DMD: variants seen among roughly 807,000 people sequenced by gnomAD.
DMD encodes the protein dystrophin.
DMD carries 63 observed loss-of-function variants against 330.1 expected under a neutral mutation model. That is an observed-to-expected ratio of 0.19 (90% CI 0.16 to 0.24). DMD has a LOEUF of 0.24. DMD is among the 10% of genes least tolerant of loss of function. The pLI is 1.00. For missense variants in DMD, 3,344 were observed against 2,684.1 expected (o/e 1.25, Z -5.43); for synonymous variants, 1,223 against 959.8 (o/e 1.27, Z -5.07).
Position 32,905,245 on chromosome X carries a change from G to A in DMD, c.94-55425C>T, listed in dbSNP as rs766056053. The stretch of plus-strand genomic sequence containing the variant: ...ATAATTTCATAGTAATAAGTAGGAA[G>A]TACATAAGACATAGGATTCACTAAC... On this transcript the variant is annotated intron_variant, in intron 2 of 78. Transcript: ENST00000357033. Among the ~76,000 whole-genome samples the A allele has an allele frequency of 9.8e-5, 11 of 111,738 alleles. No homozygotes were observed. In the East Asian group the frequency reaches 2.5e-3, roughly 26 times the overall value.
At chrX:31,258,643 T>C (rs1018710225) in intron 63 of DMD, among the ~76,000 whole-genome samples, 2 of 111,952 alleles carry the variant, frequency 1.8e-5, no homozygotes, top group African/African-American at 6.5e-5. Context: ...TAAAATCCCC[T>C]GCAACTGTAA....
chrX:32,343,278 C>T lies in DMD; in HGVS notation c.5595G>A (p.Arg1865=). The T allele has an allele frequency of 1.7e-6, 2 of 1,203,703 alleles. No individual in the cohort carries two copies. Among genetic ancestry groups the T allele is most frequent in the Non-Finnish European group, 2.3e-6 (2 of 888,862 alleles). Residue 1865 remains arginine, a synonymous_variant, in exon 40 of 79, where the codon AGG becomes AGA. Transcript: ENST00000357033. Reference sequence around the variant, plus strand: ...CTAGAGCCTTTTTTCTTCTTTGAGACCTCAAATCCTGTTCATGGTGCAGAC... The same window carrying T: ...CTAGAGCCTTTTTTCTTCTTTGAGATCTCAAATCCTGTTCATGGTGCAGAC... ...QTKHNALKDL[R]SQRRKKALEI...
At chrX:32,384,836 C>A (rs2097947275) in intron 33 of DMD, among the ~76,000 whole-genome samples, 1 of 110,807 alleles carries the variant, frequency 9.0e-6, no homozygotes, top group Non-Finnish European at 1.9e-5. Context: ...AACTTTTTAT[C>A]CTCCAAGAAA....
intron 52 of DMD, among the ~76,000 whole-genome samples, chrX:31,688,941 G>A (rs755321943): frequency 1.9e-3 from 213 of 111,548 alleles, no homozygotes; most frequent in Middle Eastern, 4.7e-3. Flanking sequence ...AAAAACTCTC[G>A]ATAAATTAGG....
At chrX:31,613,055 TA>T (rs761457434) in intron 55 of DMD, among the ~76,000 whole-genome samples, 27 of 112,147 alleles carry the variant, frequency 2.4e-4, no homozygotes, top group Non-Finnish European at 2.8e-4. Context: ...TGAGCAAAGA[TA>T]ACTTCTCTTG....
At position 32,001,182 on chromosome X, in the gene DMD, C is replaced by T. The variant is rs527559249; in HGVS notation, c.6439-32668G>A. On this transcript the variant is annotated intron_variant, in intron 44 of 78. Transcript: ENST00000357033. ...ATAAAAATATTTCCTATTCTGATCA[C>T]GGACGTGGTTGTAGGACTGCATATG... Among the ~76,000 whole-genome samples the T allele has an allele frequency of 5.2e-4, 58 of 110,992 alleles. No homozygotes were observed. In the South Asian group the frequency reaches 0.021, roughly 41 times the overall value.
At chrX:32,269,814 T>G (rs1193849707) in intron 43 of DMD, among the ~76,000 whole-genome samples, 1 of 112,451 alleles carries the variant, frequency 8.9e-6, no homozygotes, top group Non-Finnish European at 1.9e-5. Flanking sequence ...TGTTTTGTTT[T>G]TCTCACTATC....
chrX:32,635,926 T>C (rs1176525921), intron 11 of DMD, among the ~76,000 whole-genome samples: 1 of 111,703 alleles, frequency 9.0e-6, no homozygotes, highest in African/African-American at 3.3e-5. Flanking sequence ...ACCCTCAGCA[T>C]CTGTGAAGCT....
chrX:32,762,649 A>C (rs765509769), intron 7 of DMD, among the ~76,000 whole-genome samples: 1 of 110,495 alleles, frequency 9.1e-6, no homozygotes, highest in African/African-American at 3.3e-5. Context: ...GTTGTCAGCT[A>C]TATAAAGAGG....
At chrX:32,562,011 G>A (rs1274803844) in intron 16 of DMD, among the ~76,000 whole-genome samples, 1 of 111,633 alleles carries the variant, frequency 9.0e-6, no homozygotes, top group East Asian at 2.8e-4. Context: ...CGTCACTATC[G>A]TATTTCATAA....
At chrX:31,496,987 T>A (rs753415897) in intron 56 of DMD, 43 bp from the exon 57 acceptor site, 2 of 1,156,434 alleles carry the variant, frequency 1.7e-6, no homozygotes. Context: ...TATCTAGAAG[T>A]GTAATTGATG....
At chrX:31,849,463 C>T (rs972164009) in intron 48 of DMD, among the ~76,000 whole-genome samples, 2 of 110,521 alleles carry the variant, frequency 1.8e-5, no homozygotes, top group African/African-American at 6.6e-5. Flanking sequence ...GCTCATGCAC[C>T]TCATTATAAG....
upstream of DMD, among the ~76,000 whole-genome samples, chrX:33,214,949 G>A (rs918793027): frequency 8.9e-6 from 1 of 112,224 alleles, no homozygotes; most frequent in Non-Finnish European, 1.9e-5. Context: ...CACCACACTC[G>A]GCCAGTTTGT....
At chrX:32,817,530 G>T (rs1375307835) in intron 5 of DMD, among the ~76,000 whole-genome samples, 1 of 111,794 alleles carries the variant, frequency 8.9e-6, no homozygotes, top group Non-Finnish European at 1.9e-5. Context: ...TTTTATTAAA[G>T]AATTATTATT....
At chrX:31,805,574 G>A (rs186133751) in intron 50 of DMD, among the ~76,000 whole-genome samples, 3 of 111,702 alleles carry the variant, frequency 2.7e-5, no homozygotes, top group East Asian at 2.8e-4. Context: ...ATAGGAAAAC[G>A]TTATCCAAAG....
At chrX:32,745,219 G>A (rs773234273) in intron 7 of DMD, among the ~76,000 whole-genome samples, 1 of 112,390 alleles carries the variant, frequency 8.9e-6, no homozygotes, top group South Asian at 3.7e-4. Context: ...CCATGAATGA[G>A]TAACATTACA....
rs757567600 is a variant in DMD, at chrX:31,182,720, T to TG, written c.9974+17_9974+18insC. ...AATGATGAGAAAAAAATGACATTTTTTTTTTGGTTCCTAATACCTGAATCC... is the reference window on the plus strand; with the variant it reads ...AATGATGAGAAAAAAATGACATTTTTGTTTTTGGTTCCTAATACCTGAATCC... On this transcript the variant is annotated intron_variant, in intron 68 of 78. Transcript: ENST00000357033. 2 of 1,202,808 alleles carry TG rather than the reference T, an allele frequency of 1.7e-6. No homozygotes were observed. The highest frequency in any genetic ancestry group is 2.3e-6 in the Non-Finnish European group (2 of 888,367).
intron 60 of DMD, among the ~76,000 whole-genome samples, chrX:31,439,011 G>T (rs1024814355): frequency 3.6e-5 from 4 of 111,103 alleles, no homozygotes; most frequent in Non-Finnish European, 7.6e-5. Flanking sequence ...CTATTGTTTA[G>T]CTAACTATGA....
chrX:31,157,101 C>G (rs12689721), intron 74 of DMD, among the ~76,000 whole-genome samples: 1 of 111,553 alleles, frequency 9.0e-6, no homozygotes, highest in East Asian at 2.8e-4. Flanking sequence ...TATAATATGT[C>G]CATGGATCAT....
Sources: allele counts gnomAD v4.1 joint callset (sites outside exome capture counted in the v4.1 genomes callset), GRCh38; gene constraint gnomAD v4.1.1; transcripts MANE v1.5; gene names NCBI Gene and HGNC (gene_info 2026-07-23, HGNC 2026-07-21).